Variants in UBXN4 observed in about 807,000 individuals in gnomAD.
UBXN4 encodes the protein UBX domain protein 4, also known as UBX domain-containing protein 4.
In UBXN4, 35 loss-of-function variants were observed where a neutral mutation model predicts 66.2. That is an observed-to-expected ratio of 0.53 (90% CI 0.40 to 0.70). The LOEUF (loss-of-function observed/expected upper bound fraction) is 0.70, where lower values mean the gene tolerates loss of function less well. Ranked by LOEUF, UBXN4 falls within the 30% of genes least tolerant of loss-of-function variation. The pLI is 0.00. For synonymous variants in UBXN4, 203 were observed against 204.5 expected (o/e 0.99, Z 0.06); for missense variants, 533 against 599.8 (o/e 0.89, Z 1.16).
chr2:135,747,707 T>C (rs949239673), intron 1 of UBXN4: 3 of 456,222 alleles, frequency 6.6e-6, no homozygotes, highest in Non-Finnish European at 1.3e-5. Flanking sequence ...CAATCTCCGC[T>C]CACTGCAACT....
chr2:135,779,414 T>C (rs2105509868), intron 11 of UBXN4, among the ~76,000 whole-genome samples: 2 of 152,344 alleles, frequency 1.3e-5, no homozygotes, highest in Middle Eastern at 6.8e-3. Context: ...TATGCTCTAC[T>C]GTTTGCCAAA....
chr2:135,776,927 T>C (rs1409615723), intron 10 of UBXN4, among the ~76,000 whole-genome samples: 3 of 152,164 alleles, frequency 2.0e-5, no homozygotes, highest in Non-Finnish European at 4.4e-5. Context: ...AGTAGACTCA[T>C]TGAAGGAGTG....
intron 10 of UBXN4, among the ~76,000 whole-genome samples, chr2:135,778,174 CA>C (rs570595581): frequency 2.1e-3 from 153 of 72,408 alleles, no homozygotes; most frequent in South Asian, 0.02. Flanking sequence ...AAGACTGTCT[CA>C]AAAAAAAAAA....
At chr2:135,774,165 G>A (rs1026365419) in intron 9 of UBXN4, among the ~76,000 whole-genome samples, 2 of 152,166 alleles carry the variant, frequency 1.3e-5, no homozygotes, top group African/African-American at 4.8e-5. Flanking sequence ...TGAACATACA[G>A]GTCATTGTAA....
chr2:135,784,334 G>A lies in UBXN4; in HGVS notation c.*1447G>A, dbSNP rs1222399237. ...ATGGTACAATACTAATTAACAACTTGGTTTAACATGTTTACTGAGCATCTG... is the reference window on the plus strand; with the variant it reads ...ATGGTACAATACTAATTAACAACTTAGTTTAACATGTTTACTGAGCATCTG... On this transcript the variant is annotated 3_prime_UTR_variant, in exon 13 of 13. Coordinates refer to ENST00000272638, the MANE Select transcript of UBXN4 (RefSeq NM_014607.4). 1 of 152,084 alleles carries A rather than the reference G, an allele frequency of 6.6e-6. No individual in the cohort carries two copies. Among genetic ancestry groups the A allele is most frequent in the African/African-American group, 2.4e-5 (1 of 41,404 alleles). The allele number at this position is 152,084 out of a possible 1,614,324, so 9.4% of individuals were successfully genotyped here.
At chr2:135,743,884 A>C (rs950501094) in intron 1 of UBXN4, among the ~76,000 whole-genome samples, 15 of 151,994 alleles carry the variant, frequency 9.9e-5, no homozygotes, top group Non-Finnish European at 1.8e-4. Flanking sequence ...TACTTTCTTC[A>C]ATTAAGTTTT....
In UBXN4 at chr2:135,748,326, G is replaced by A. The variant is rs774434345; in HGVS notation, c.142G>A (p.Ala48Thr). The stretch of plus-strand genomic sequence containing the variant: ...TTGGGAAGATGATAAAGTTACAGAA[G>A]CATCTTCAAACAGTTTTGTTGCTAT... ...ASWEDDKVTEASSNSFVAIKI... is the reference protein window; with the variant it reads ...ASWEDDKVTETSSNSFVAIKI... Residue 48 changes from alanine to threonine, a missense_variant, in exon 2 of 13, where the codon GCA (alanine) becomes ACA (threonine). Around this residue, in one of 2 missense-constraint regions of UBXN4, gnomAD observed 529 missense variants for 580.1 expected, o/e 0.91. Transcript: ENST00000272638. 8.7e-6 allele frequency: 14 copies of A among 1,606,876 alleles called. No homozygotes were observed. The highest frequency in any genetic ancestry group is 2.7e-5 in the African/African-American group (2 of 74,760).
intron 1 of UBXN4, among the ~76,000 whole-genome samples, chr2:135,743,224 T>C (rs1249131226): frequency 6.6e-6 from 1 of 152,242 alleles, no homozygotes; most frequent in African/African-American, 2.4e-5. Flanking sequence ...TATAATTGTT[T>C]TGTTACGCCA....
intron 9 of UBXN4, among the ~76,000 whole-genome samples, chr2:135,773,075 C>G (rs887610271): frequency 6.8e-6 from 1 of 147,762 alleles, no homozygotes; most frequent in Admixed American, 6.8e-5. Flanking sequence ...CCAATAAATA[C>G]CTGTTTTCCA....
intron 1 of UBXN4, among the ~76,000 whole-genome samples, chr2:135,744,725 G>A (rs149803715): frequency 3.6e-4 from 55 of 152,194 alleles, no homozygotes; most frequent in Middle Eastern, 6.8e-3. Context: ...GGATACTGCC[G>A]ATACAAAGGA....
At chr2:135,764,703 G>A (rs1431684252) in intron 6 of UBXN4, among the ~76,000 whole-genome samples, 3 of 152,148 alleles carry the variant, frequency 2.0e-5, no homozygotes, top group South Asian at 2.1e-4. Flanking sequence ...ACAGGGTTTC[G>A]CCATGTTGGC....
chr2:135,748,407 TTATAAG>T (rs748883270), intron 2 of UBXN4, 38 bp downstream of exon 2: 1 of 1,411,532 alleles, frequency 7.1e-7, no homozygotes, highest in African/African-American at 1.5e-5. Flanking sequence ...ATTTTAAAAT[TTATAAG>T]TATTGTCTTT....
At chr2:135,760,588 T>C (rs2077309285) in intron 5 of UBXN4, among the ~76,000 whole-genome samples, 1 of 152,230 alleles carries the variant, frequency 6.6e-6, no homozygotes, top group African/African-American at 2.4e-5. Flanking sequence ...AACTGTACTC[T>C]TATTCAACAC....
chr2:135,748,805 G>A (rs7556781), intron 2 of UBXN4, among the ~76,000 whole-genome samples: 111,791 of 151,098 alleles, frequency 0.74, 41,848 homozygotes, highest in Non-Finnish European at 0.79. Context: ...CAAGACAGGC[G>A]GATCACTTGA....
intron 5 of UBXN4, among the ~76,000 whole-genome samples, chr2:135,757,706 G>A (rs2077286601): frequency 1.3e-5 from 2 of 152,068 alleles, no homozygotes; most frequent in African/African-American, 4.8e-5. Flanking sequence ...AATTAACTTG[G>A]CTAGACTAAA....
chr2:135,763,564 C>G (rs1172668422), intron 6 of UBXN4, among the ~76,000 whole-genome samples: 10 of 152,236 alleles, frequency 6.6e-5, no homozygotes, highest in Non-Finnish European at 1.5e-4. Context: ...GTGGCTCACG[C>G]CTGTAATCCC....
chr2:135,781,326 T>C (rs922148941), intron 12 of UBXN4, among the ~76,000 whole-genome samples: 1 of 152,246 alleles, frequency 6.6e-6, no homozygotes, highest in African/African-American at 2.4e-5. Flanking sequence ...AGATTTTATA[T>C]ACTTGAAACA....
chr2:135,779,059 G>A lies in UBXN4; in HGVS notation c.1165G>A (p.Ala389Thr), dbSNP rs746417500. 1.2e-5 allele frequency: 19 copies of A among 1,612,720 alleles called. No homozygotes were observed. Among genetic ancestry groups the A allele is most frequent in the Admixed American group, 3.3e-5 (2 of 59,806 alleles). ...KLLDLELAPS[A>T]SVVLLPAGRP... ...ACTGGATTTGGAACTTGCCCCAAGC[G>A]CTTCGGTGGTACTGTTGCCAGTATG... Residue 389 changes from alanine (A) to threonine (T), a missense_variant, in exon 11 of 13, where the codon GCT becomes ACT. Ala to Thr is a moderately conservative substitution (Grantham distance 58). Around this residue, in one of 2 missense-constraint regions of UBXN4, gnomAD observed 529 missense variants for 580.1 expected, o/e 0.91. Transcript: ENST00000272638.
Position 135,770,597 on chromosome 2 carries a change from G to A in UBXN4, c.684G>A (p.Arg228=). Residue 228 remains arginine, a synonymous_variant, in exon 8 of 13, where the codon AGG becomes AGA. Transcript: ENST00000272638. ...EQREIKKEIE[R]RKTGKEMLDY... is the part of the protein sequence containing the mutation. Reference sequence around the variant, plus strand: ...GAGAAATTAAGAAGGAAATTGAGAGGAGAAAAACTGGAAAAGAAATGTTGG... The same window carrying A: ...GAGAAATTAAGAAGGAAATTGAGAGAAGAAAAACTGGAAAAGAAATGTTGG... 6.6e-7 allele frequency: 1 copy of A among 1,521,388 alleles called. No homozygotes were observed. The highest frequency in any genetic ancestry group is 2.4e-5 in the Admixed American group (1 of 41,450). The allele number at this position is 1,521,388 out of a possible 1,614,324, so 94.2% of individuals were successfully genotyped here.
Sources: allele counts gnomAD v4.1 joint callset (sites outside exome capture counted in the v4.1 genomes callset), GRCh38; gene constraint gnomAD v4.1.1; regional missense constraint gnomAD v4.1.1; transcripts MANE v1.5; gene names NCBI Gene and HGNC (gene_info 2026-07-23, HGNC 2026-07-21).